Variants in NLGN1 observed in about 807,000 individuals in gnomAD.
NLGN1 encodes the protein neuroligin 1.
A neutral mutation model predicts 65.5 loss-of-function variants in NLGN1; 12 were observed. The observed-to-expected ratio is 0.18, with a 90% CI of 0.12 to 0.30. The LOEUF (loss-of-function observed/expected upper bound fraction) is 0.30, where lower values mean the gene tolerates loss of function less well. Ranked by LOEUF, NLGN1 falls within the 10% of genes least tolerant of loss-of-function variation. The pLI is 1.00. For missense variants in NLGN1, 750 were observed against 1,007.1 expected, an observed-to-expected ratio of 0.74 and a Z score of 3.46; for synonymous variants, 350 against 359.5, an observed-to-expected ratio of 0.97 and a Z score of 0.30.
intron 3 of NLGN1, among the ~76,000 whole-genome samples, chr3:173,633,098 A>G (rs1176336025): frequency 6.6e-6 from 1 of 152,130 alleles, no homozygotes; most frequent in East Asian, 1.9e-4. Context: ...TTTTGTAGGG[A>G]ACTAGAAGTA....
intron 3 of NLGN1, among the ~76,000 whole-genome samples, chr3:173,735,786 C>T (rs1773646333): frequency 6.6e-6 from 1 of 151,992 alleles, no homozygotes; most frequent in African/African-American, 2.4e-5. Context: ...CTCTTAGGGC[C>T]AAAGTTGACT....
intron 3 of NLGN1, among the ~76,000 whole-genome samples, chr3:173,694,631 C>A (rs1353545143): frequency 6.6e-6 from 1 of 152,094 alleles, no homozygotes; most frequent in Non-Finnish European, 1.5e-5. Context: ...AGAATGAAAA[C>A]TTGTCATTTT....
intron 4 of NLGN1, among the ~76,000 whole-genome samples, chr3:173,974,289 C>G (rs1026590436): frequency 2.0e-5 from 3 of 150,626 alleles, no homozygotes; most frequent in African/African-American, 7.3e-5. Flanking sequence ...AAAGGAAATT[C>G]TCATATGTTT....
intron 4 of NLGN1, among the ~76,000 whole-genome samples, chr3:174,102,770 A>T (rs1712832023): frequency 6.6e-6 from 1 of 152,128 alleles, no homozygotes; most frequent in Admixed American, 6.6e-5. Context: ...TAATATCATG[A>T]TTGAATGGTG....
intron 2 of NLGN1, among the ~76,000 whole-genome samples, chr3:173,528,232 A>G (rs1735973861): frequency 2.0e-5 from 3 of 152,194 alleles, no homozygotes; most frequent in Admixed American, 2.0e-4. Flanking sequence ...CTGGCAGGGT[A>G]TAAAACTCTT....
chr3:173,924,227 T>C (rs563849477), intron 4 of NLGN1, among the ~76,000 whole-genome samples: 106 of 152,198 alleles, frequency 7.0e-4, no homozygotes, highest in African/African-American at 2.6e-3. Context: ...TATTAACAAT[T>C]TTGCCATCAC....
At chr3:173,778,310 G>T (rs1023996806) in intron 3 of NLGN1, among the ~76,000 whole-genome samples, 3 of 151,780 alleles carry the variant, frequency 2.0e-5, no homozygotes, top group African/African-American at 7.2e-5. Flanking sequence ...AAGTACCTCA[G>T]TATTTCTACC....
At chr3:174,027,234 A>G (rs1374089094) in intron 4 of NLGN1, among the ~76,000 whole-genome samples, 1 of 152,136 alleles carries the variant, frequency 6.6e-6, no homozygotes, top group African/African-American at 2.4e-5. Context: ...CCAAAGTTCT[A>G]TCATCCTGGC....
chr3:174,012,101 C>G (rs948386349), intron 4 of NLGN1, among the ~76,000 whole-genome samples: 6 of 152,142 alleles, frequency 3.9e-5, no homozygotes, highest in African/African-American at 1.4e-4. Flanking sequence ...CTCCTTTTCT[C>G]TCCCTCCTCA....
intron 3 of NLGN1, among the ~76,000 whole-genome samples, chr3:173,792,982 T>A (rs1183440153): frequency 1.3e-5 from 2 of 152,202 alleles, no homozygotes; most frequent in African/African-American, 4.8e-5. Context: ...AGATTCACTA[T>A]GTCTAAGTAA....
intron 3 of NLGN1, among the ~76,000 whole-genome samples, chr3:173,642,729 C>T (rs964323223): frequency 6.6e-6 from 1 of 152,132 alleles, no homozygotes. Flanking sequence ...AGAGGCTCAG[C>T]TCAAAGCTCA....
At chr3:173,993,074 T>G in intron 4 of NLGN1, among the ~76,000 whole-genome samples, 2 of 152,338 alleles carry the variant, frequency 1.3e-5, no homozygotes, top group Middle Eastern at 3.4e-3. Context: ...TGTTAAAATA[T>G]GTAAATAAAT....
At chr3:173,577,463 T>G (rs147752317) in intron 2 of NLGN1, among the ~76,000 whole-genome samples, 33 of 152,294 alleles carry the variant, frequency 2.2e-4, no homozygotes, top group Middle Eastern at 6.8e-3. Context: ...CCTAGTACAA[T>G]TTATAAATAA....
chr3:173,497,171 G>C (rs1163474709), intron 2 of NLGN1, among the ~76,000 whole-genome samples: 1 of 151,850 alleles, frequency 6.6e-6, no homozygotes, highest in South Asian at 2.1e-4. Flanking sequence ...ATCACCTGAG[G>C]TCAGGAGTTC....
At chr3:173,605,468 G>A (rs915388003) in intron 3 of NLGN1, 66 bp from the exon 3 acceptor site, 3 of 810,146 alleles carry the variant, frequency 3.7e-6, no homozygotes, top group African/African-American at 3.5e-5. Context: ...AGATAGTGGT[G>A]TTGCATGTTC....
intron 3 of NLGN1, among the ~76,000 whole-genome samples, chr3:173,684,810 T>C (rs1003272430): frequency 6.6e-6 from 1 of 152,220 alleles, no homozygotes; most frequent in East Asian, 1.9e-4. Flanking sequence ...CAATTTAATA[T>C]TTTCCTGACC....
intron 4 of NLGN1, among the ~76,000 whole-genome samples, chr3:173,822,626 T>C (rs1234771062): frequency 6.6e-6 from 1 of 152,076 alleles, no homozygotes; most frequent in Non-Finnish European, 1.5e-5. Context: ...TTTAAAACAA[T>C]TCTGATCCCC....
At position 173,492,247 on chromosome 3, in the gene NLGN1, G is replaced by A. The variant is rs181994412; in HGVS notation, c.-321+57169G>A. Reference sequence around the variant, plus strand: ...CTAGTAGGTGTCAATGAGTGTTAACGTGTGTTATTACTAGGAATATGTCTC... The same window carrying A: ...CTAGTAGGTGTCAATGAGTGTTAACATGTGTTATTACTAGGAATATGTCTC... On this transcript the variant is annotated intron_variant, in intron 2 of 6. Transcript: ENST00000457714. Among the ~76,000 whole-genome samples, 251 of 151,924 alleles carry A rather than the reference G, an allele frequency of 1.7e-3. 2 individuals are homozygous for A. Among genetic ancestry groups the A allele is most frequent in the Middle Eastern group, 6.8e-3 (2 of 294 alleles).
At chr3:174,284,052 A>G (rs1245763398) in exon 7 of NLGN1, 1 of 151,372 alleles carries the variant, frequency 6.6e-6, no homozygotes, top group Non-Finnish European at 1.5e-5. Flanking sequence ...TGCATTTATC[A>G]ATCTGCCTAT....
Sources: allele counts gnomAD v4.1 joint callset (sites outside exome capture counted in the v4.1 genomes callset), GRCh38; gene constraint gnomAD v4.1.1; transcripts MANE v1.5; gene names NCBI Gene and HGNC (gene_info 2026-07-23, HGNC 2026-07-21).